The following CEACAM8 variants were observed in gnomAD, a reference collection of about 807,000 sequenced individuals.
CEACAM8 encodes the protein cell adhesion molecule CEACAM8.
In CEACAM8, 31 loss-of-function variants were observed where a neutral mutation model predicts 33.4. That is an observed-to-expected ratio of 0.93 (90% CI 0.70 to 1.25). CEACAM8 has a LOEUF of 1.25. CEACAM8 is among the 50% of genes most tolerant of loss of function. CEACAM8 has a pLI of 0.00. For missense variants in CEACAM8, 388 were observed against 434.6 expected, an observed-to-expected ratio of 0.89 and a Z score of 0.95; for synonymous variants, 138 against 164.5, an observed-to-expected ratio of 0.84 and a Z score of 1.23.
At chr19:42,585,513 G>T (rs2042322557) in intron 4 of CEACAM8, among the ~76,000 whole-genome samples, 1 of 152,130 alleles carries the variant, frequency 6.6e-6, no homozygotes, top group African/African-American at 2.4e-5. Flanking sequence ...TTAGTAGGAA[G>T]ATTGAATAAA....
intron 4 of CEACAM8, among the ~76,000 whole-genome samples, chr19:42,587,470 GT>G (rs2042355495): frequency 6.6e-6 from 1 of 152,192 alleles, no homozygotes; most frequent in Non-Finnish European, 1.5e-5. Flanking sequence ...AAAACATTAT[GT>G]TAAGTGAAAC....
intron 4 of CEACAM8, among the ~76,000 whole-genome samples, chr19:42,586,345 A>G (rs2042336897): frequency 6.6e-6 from 1 of 152,234 alleles, no homozygotes; most frequent in African/African-American, 2.4e-5. Context: ...CATTTACTAC[A>G]AAGCCACAGT....
chr19:42,589,756 A>C (rs1334683920), intron 2 of CEACAM8, 21 bp from the exon 3 acceptor site: 4 of 1,614,138 alleles, frequency 2.5e-6, no homozygotes, highest in African/African-American at 1.3e-5. Flanking sequence ...AACAGAGAGA[A>C]GATTGCCCTG....
intron 5 of CEACAM8, among the ~76,000 whole-genome samples, chr19:42,581,715 C>A (rs557514060): frequency 1.3e-5 from 2 of 150,414 alleles, no homozygotes; most frequent in African/African-American, 4.9e-5. Flanking sequence ...CATGGTGAAA[C>A]CCCGTCTCTA....
At chr19:42,581,681 T>G (rs911032841) in intron 5 of CEACAM8, among the ~76,000 whole-genome samples, 2 of 151,000 alleles carry the variant, frequency 1.3e-5, no homozygotes. Flanking sequence ...CACAAGGTCA[T>G]GAGATCGAGA....
At chr19:42,583,682 G>A (rs1458936663) in intron 4 of CEACAM8, among the ~76,000 whole-genome samples, 2 of 152,146 alleles carry the variant, frequency 1.3e-5, no homozygotes, top group African/African-American at 4.8e-5. Context: ...CAGTGTCTTA[G>A]TTGTGGCAGG....
chr19:42,583,353 AAGAAG>A lies in CEACAM8; in HGVS notation c.959-21_959-17del, dbSNP rs2042285525. ...ACTAAAGCATCTGTCATGGAAAGAA[AAGAAG>A]AGAAGGAATGAAGTTGATGCCATTT... On this transcript the variant is annotated splice_polypyrimidine_tract_variant and intron_variant, in intron 4 of 5. Transcript: ENST00000244336. 1 of 1,570,848 alleles carries A rather than the reference AAGAAG, an allele frequency of 6.4e-7. No individual in the cohort carries two copies. The highest frequency in any genetic ancestry group is 8.8e-7 in the Non-Finnish European group (1 of 1,141,678).
At chr19:42,589,112 C>T in intron 3 of CEACAM8, 74 bp from the exon 4 acceptor site, 1 of 1,533,370 alleles carries the variant, frequency 6.5e-7, no homozygotes. Flanking sequence ...GGAAGAGCCA[C>T]AGTGTCCCTC....
rs187458078 is a variant in CEACAM8, at chr19:42,589,050, G to T, written c.704-12C>A. On this transcript the variant is annotated splice_polypyrimidine_tract_variant and intron_variant, in intron 3 of 5. Coordinates refer to ENST00000244336, the MANE Select transcript of CEACAM8 (RefSeq NM_001816.4). Reference sequence around the variant, plus strand: ...GGCATCTGGGCCATCTAGAGCAAAAGAATAAAGTCACAGGTGATGTCATCA... The same window carrying T: ...GGCATCTGGGCCATCTAGAGCAAAATAATAAAGTCACAGGTGATGTCATCA... The T allele has an allele frequency of 1.2e-5, 19 of 1,607,950 alleles. No homozygotes were observed. In the East Asian group the frequency reaches 1.6e-4, roughly 13 times the overall value.
At chr19:42,588,029 T>G (rs1000968172) in intron 4 of CEACAM8, among the ~76,000 whole-genome samples, 1 of 152,204 alleles carries the variant, frequency 6.6e-6, no homozygotes, top group Non-Finnish European at 1.5e-5. Context: ...TGAATCTCCC[T>G]GTGTCTCCAA....
chr19:42,591,976 G>C (rs1405615350), intron 2 of CEACAM8, among the ~76,000 whole-genome samples: 7 of 152,182 alleles, frequency 4.6e-5, no homozygotes, highest in African/African-American at 1.7e-4. Context: ...GGTTCAGTGA[G>C]GGGGGTTAGG....
intron 1 of CEACAM8, among the ~76,000 whole-genome samples, chr19:42,594,330 G>A (rs2042506356): frequency 6.6e-6 from 1 of 152,012 alleles, no homozygotes; most frequent in Admixed American, 6.5e-5. Context: ...GACTTGTGTG[G>A]TGTTGGCTGC....
At chr19:42,591,704 G>A (rs566813781) in intron 2 of CEACAM8, among the ~76,000 whole-genome samples, 12 of 152,200 alleles carry the variant, frequency 7.9e-5, no homozygotes, top group Non-Finnish European at 1.8e-4. Context: ...TATCACAATG[G>A]TGCCATCATG....
intron 5 of CEACAM8, among the ~76,000 whole-genome samples, chr19:42,582,351 T>C (rs1225305081): frequency 6.6e-6 from 1 of 152,216 alleles, no homozygotes; most frequent in Non-Finnish European, 1.5e-5. Flanking sequence ...GTATTATGAT[T>C]ATTTTTCATA....
intron 4 of CEACAM8, among the ~76,000 whole-genome samples, chr19:42,588,029 T>C (rs1000968172): frequency 3.9e-5 from 6 of 152,204 alleles, no homozygotes; most frequent in Admixed American, 3.9e-4. Flanking sequence ...TGAATCTCCC[T>C]GTGTCTCCAA....
At chr19:42,586,481 T>C (rs901906679) in intron 4 of CEACAM8, among the ~76,000 whole-genome samples, 2 of 152,218 alleles carry the variant, frequency 1.3e-5, no homozygotes, top group East Asian at 1.9e-4. Flanking sequence ...TACCACTCAA[T>C]GGGGAAAGTG....
rs577458310 is a variant in CEACAM8, at chr19:42,588,819, C to T, written c.923G>A (p.Arg308His). The change falls in exon 4 of 6, where the codon CGC becomes CAC. Residue 308 changes from arginine (R) to histidine (H), a missense_variant. Arg to His is a conservative substitution (Grantham distance 29, BLOSUM62 0). Transcript: ENST00000244336. ...ACHTTNSATG[R>H]NRTTVRMITV... Reference sequence around the variant, plus strand: ...GATCATCCTGACTGTGGTCCTGTTGCGGCCAGTGGCTGAGTTAGTGGTGTG... The same window carrying T: ...GATCATCCTGACTGTGGTCCTGTTGTGGCCAGTGGCTGAGTTAGTGGTGTG... The T allele has an allele frequency of 7.5e-5, 121 of 1,614,164 alleles. No homozygotes were observed. Among genetic ancestry groups the T allele is most frequent in the Middle Eastern group, 1.6e-4 (1 of 6,062 alleles).
At chr19:42,583,099 G>A (rs1054491139) in intron 5 of CEACAM8, 107 bp downstream of exon 5, 16 of 650,166 alleles carry the variant, frequency 2.5e-5, no homozygotes, top group African/African-American at 2.4e-4. Context: ...CTGAGAAGCA[G>A]GAGTTTATTG....
chr19:42,585,967 T>C (rs940141782), intron 4 of CEACAM8, among the ~76,000 whole-genome samples: 2 of 151,880 alleles, frequency 1.3e-5, no homozygotes, highest in African/African-American at 4.8e-5. Context: ...AAAAAGGAAA[T>C]TAAGAAAAAA....
Sources: allele counts gnomAD v4.1 joint callset (sites outside exome capture counted in the v4.1 genomes callset), GRCh38; gene constraint gnomAD v4.1.1; transcripts MANE v1.5; gene names NCBI Gene and HGNC (gene_info 2026-07-23, HGNC 2026-07-21).